The following RORA variants were observed in gnomAD, a reference collection of about 807,000 sequenced individuals.
RORA encodes the protein nuclear receptor ROR-alpha.
A neutral mutation model predicts 69.5 loss-of-function variants in RORA; 7 were observed. That is an observed-to-expected ratio of 0.10 (90% confidence interval 0.06 to 0.19). The LOEUF is 0.19. RORA is among the 10% of genes least tolerant of loss of function. The pLI is 1.00. For missense variants in RORA, 457 were observed against 663.0 expected, an observed-to-expected ratio of 0.69 and a Z score of 3.41; for synonymous variants, 261 against 240.8, an observed-to-expected ratio of 1.08 and a Z score of -0.78.
rs28605180 is a variant in RORA, at chr15:60,631,371, G to C, written c.196+47286C>G. On this transcript the variant is annotated intron_variant, in intron 2 of 10. Coordinates refer to ENST00000335670, the MANE Select transcript of RORA (RefSeq NM_134261.3). ...ACAACCTTGAGGTGGTCAAGGAAAA[G>C]AAAAAACACCATCCACATTCCTAGG... Among the ~76,000 whole-genome samples the C allele has an allele frequency of 4.0e-3, 612 of 152,174 alleles. 6 individuals are homozygous for C. The highest frequency in any genetic ancestry group is 0.013 in the African/African-American group (544 of 41,532).
chr15:61,119,473 C>A (rs575919385), intron 1 of RORA, among the ~76,000 whole-genome samples: 1 of 149,622 alleles, frequency 6.7e-6, no homozygotes, highest in South Asian at 2.1e-4. Flanking sequence ...TATATATATA[C>A]ATTTTATTTT....
intron 1 of RORA, among the ~76,000 whole-genome samples, chr15:61,076,152 G>A (rs148666381): frequency 1.2e-4 from 18 of 152,314 alleles, no homozygotes; most frequent in African/African-American, 3.1e-4. Context: ...AGGAGCATGC[G>A]TCAGATGTGC....
At chr15:60,686,437 A>AT (rs796460155) in intron 1 of RORA, among the ~76,000 whole-genome samples, 17 of 152,260 alleles carry the variant, frequency 1.1e-4, no homozygotes, top group African/African-American at 3.9e-4. Context: ...AAGAAGCCTT[A>AT]TTTTTTCAAA....
At chr15:61,193,650 C>T (rs554856115) in intron 1 of RORA, among the ~76,000 whole-genome samples, 1 of 152,088 alleles carries the variant, frequency 6.6e-6, no homozygotes, top group Non-Finnish European at 1.5e-5. Context: ...ATGACCAATA[C>T]CAATAATAAT....
At chr15:61,193,776 C>G (rs1338308739) in intron 1 of RORA, among the ~76,000 whole-genome samples, 1 of 152,178 alleles carries the variant, frequency 6.6e-6, no homozygotes, top group Non-Finnish European at 1.5e-5. Context: ...GAGGCTCAAT[C>G]ATTTTCTCAA....
chr15:60,790,916 C>G (rs998234101), intron 1 of RORA, among the ~76,000 whole-genome samples: 2 of 152,086 alleles, frequency 1.3e-5, no homozygotes, highest in African/African-American at 4.8e-5. Context: ...ATCATGGTAA[C>G]GTTTTTCTCT....
chr15:60,777,762 G>A (rs747490693), intron 1 of RORA, among the ~76,000 whole-genome samples: 9 of 152,144 alleles, frequency 5.9e-5, no homozygotes, highest in Non-Finnish European at 1.3e-4. Flanking sequence ...TTGGAGAACC[G>A]AGAATCAAAC....
At chr15:60,705,699 CAACT>C (rs1362494615) in intron 1 of RORA, among the ~76,000 whole-genome samples, 3 of 152,054 alleles carry the variant, frequency 2.0e-5, no homozygotes, top group African/African-American at 7.2e-5. Context: ...ACCAACCAAC[CAACT>C]GACATTTTTT....
At chr15:60,547,286 G>C (rs895253431) in intron 2 of RORA, among the ~76,000 whole-genome samples, 1 of 151,058 alleles carries the variant, frequency 6.6e-6, no homozygotes, top group Non-Finnish European at 1.5e-5. Context: ...CAGTGCCAAT[G>C]AGATAAGACA....
intron 1 of RORA, among the ~76,000 whole-genome samples, chr15:60,975,566 A>G (rs1893852253): frequency 6.6e-6 from 1 of 152,176 alleles, no homozygotes; most frequent in Non-Finnish European, 1.5e-5. Flanking sequence ...CCTATTCAGA[A>G]CATGTTTGCC....
At chr15:60,597,548 CAACATATATATATATATATATATAT>C (rs1172751337) in intron 2 of RORA, among the ~76,000 whole-genome samples, 665 of 55,720 alleles carry the variant, frequency 0.012, 22 homozygotes, top group African/African-American at 0.023. Context: ...CACACACACA[CAACATATATATATATATATATATAT>C]ACACATATAT....
At chr15:60,922,344 G>A (rs745857516) in intron 1 of RORA, among the ~76,000 whole-genome samples, 12 of 152,034 alleles carry the variant, frequency 7.9e-5, no homozygotes, top group Non-Finnish European at 1.5e-4. Context: ...TAATGATGTT[G>A]GTTCATTGAT....
At chr15:60,933,909 G>A (rs572917572) in intron 1 of RORA, among the ~76,000 whole-genome samples, 14 of 152,342 alleles carry the variant, frequency 9.2e-5, no homozygotes, top group African/African-American at 2.9e-4. Flanking sequence ...CAAACCAGAT[G>A]CAACATCTGC....
intron 1 of RORA, among the ~76,000 whole-genome samples, chr15:60,936,802 A>G (rs1892536771): frequency 6.6e-6 from 1 of 152,240 alleles, no homozygotes; most frequent in South Asian, 2.1e-4. Context: ...TAAGACAGAC[A>G]TTTTGTTAGG....
chr15:60,582,583 C>T (rs1444522646), intron 2 of RORA, among the ~76,000 whole-genome samples: 2 of 152,206 alleles, frequency 1.3e-5, no homozygotes, highest in Non-Finnish European at 2.9e-5. Flanking sequence ...TTTTGCTACA[C>T]TGCGGACAGG....
chr15:61,056,989 G>A (rs1225536795), intron 1 of RORA, among the ~76,000 whole-genome samples: 1 of 152,168 alleles, frequency 6.6e-6, no homozygotes, highest in African/African-American at 2.4e-5. Flanking sequence ...TGACAAGACT[G>A]GAAATTAACC....
At chr15:60,963,407 G>C (rs888228002) in intron 1 of RORA, among the ~76,000 whole-genome samples, 3 of 152,198 alleles carry the variant, frequency 2.0e-5, no homozygotes, top group Non-Finnish European at 4.4e-5. Context: ...GATGGAGGTG[G>C]ATGATGGAAG....
At chr15:61,083,472 C>CCA (rs1223327390) in intron 1 of RORA, among the ~76,000 whole-genome samples, 3 of 152,098 alleles carry the variant, frequency 2.0e-5, no homozygotes, top group Admixed American at 2.0e-4. Context: ...CTTAGTCCCT[C>CCA]TGAATCTGAG....
At chr15:60,800,858 G>T (rs2072569536) in intron 1 of RORA, among the ~76,000 whole-genome samples, 1 of 152,134 alleles carries the variant, frequency 6.6e-6, no homozygotes, top group African/African-American at 2.4e-5. Flanking sequence ...CATTTACTAT[G>T]TTGGGCTGCA....
Sources: gnomAD v4.1 joint callset for allele counts (sites outside exome capture counted in the v4.1 genomes callset) on GRCh38, gnomAD v4.1.1 for gene constraint, MANE v1.5 for transcripts, NCBI Gene and HGNC (gene_info 2026-07-23, HGNC 2026-07-21) for gene names.